Variants in CHCHD6 observed in about 807,000 individuals in gnomAD.
CHCHD6 encodes the protein coiled-coil-helix-coiled-coil-helix domain containing 6.
A neutral mutation model predicts 32.3 loss-of-function variants in CHCHD6; 28 were observed. The observed-to-expected ratio is 0.87, with a 90% confidence interval of 0.64 to 1.19. The LOEUF (loss-of-function observed/expected upper bound fraction) is 1.19. Ranked by LOEUF, CHCHD6 falls within the 50% of genes most tolerant of loss-of-function variation. The pLI, the probability that CHCHD6 is intolerant of heterozygous loss-of-function variation, is 0.00. For synonymous variants in CHCHD6, 122 were observed against 117.5 expected, an observed-to-expected ratio of 1.04 and a Z score of -0.25; for missense variants, 333 against 307.0, an observed-to-expected ratio of 1.08 and a Z score of -0.63.
intron 1 of CHCHD6, among the ~76,000 whole-genome samples, chr3:126,713,713 AC>A (rs1934869300): frequency 6.6e-6 from 1 of 152,074 alleles, no homozygotes. Context: ...TGTCCCCAGC[AC>A]CTAAGCCAGA....
chr3:126,793,800 A>C (rs992415346), intron 4 of CHCHD6, among the ~76,000 whole-genome samples: 7 of 152,284 alleles, frequency 4.6e-5, no homozygotes, highest in African/African-American at 1.4e-4. Flanking sequence ...GGGAACAGAT[A>C]GATTCCTTTC....
intron 4 of CHCHD6, among the ~76,000 whole-genome samples, chr3:126,807,505 G>C (rs1258782999): frequency 6.6e-6 from 1 of 152,132 alleles, no homozygotes; most frequent in Non-Finnish European, 1.5e-5. Flanking sequence ...TAGAAAATAT[G>C]AGAGAAACAT....
intron 3 of CHCHD6, 21 bp downstream of exon 3, chr3:126,730,651 G>C (rs1935753492): frequency 6.2e-7 from 1 of 1,609,456 alleles, no homozygotes; most frequent in Non-Finnish European, 8.5e-7. Context: ...GAGCCTGCTT[G>C]CTCCCGGCAC....
chr3:126,832,022 G>A (rs1193306285), intron 4 of CHCHD6, among the ~76,000 whole-genome samples: 5 of 152,112 alleles, frequency 3.3e-5, no homozygotes, highest in Non-Finnish European at 5.9e-5. Flanking sequence ...AACAGGTGTT[G>A]ATTAAAGAAG....
intron 4 of CHCHD6, among the ~76,000 whole-genome samples, chr3:126,828,265 A>C (rs1427093276): frequency 6.6e-6 from 1 of 152,188 alleles, no homozygotes; most frequent in Non-Finnish European, 1.5e-5. Context: ...GGTGCACTTC[A>C]CATCTTCTCT....
At chr3:126,888,375 A>T (rs2077706582) in intron 5 of CHCHD6, among the ~76,000 whole-genome samples, 1 of 152,194 alleles carries the variant, frequency 6.6e-6, no homozygotes, top group Non-Finnish European at 1.5e-5. Context: ...CTCTTGAAAC[A>T]TATTCTGTTA....
intron 6 of CHCHD6, among the ~76,000 whole-genome samples, chr3:126,943,103 T>C (rs549273302): frequency 2.0e-5 from 3 of 152,222 alleles, no homozygotes; most frequent in Middle Eastern, 3.4e-3. Context: ...GTAACCAGTC[T>C]CTCAACCATG....
At chr3:126,761,253 C>T (rs1346789660) in intron 4 of CHCHD6, among the ~76,000 whole-genome samples, 1 of 152,146 alleles carries the variant, frequency 6.6e-6, no homozygotes, top group African/African-American at 2.4e-5. Flanking sequence ...TACATTCTTA[C>T]CAGTTTCTCC....
At chr3:126,731,035 G>A (rs1935775213) in intron 3 of CHCHD6, among the ~76,000 whole-genome samples, 2 of 145,812 alleles carry the variant, frequency 1.4e-5, no homozygotes, top group Non-Finnish European at 3.0e-5. Context: ...TTGAGTTCAG[G>A]AAGCTGAGGC....
chr3:126,918,007 T>A (rs2078195544), intron 6 of CHCHD6, among the ~76,000 whole-genome samples: 1 of 152,240 alleles, frequency 6.6e-6, no homozygotes, highest in South Asian at 2.1e-4. Context: ...AAGATACTGT[T>A]AATAACGGCA....
At chr3:126,922,840 GGAGA>G (rs764494174) in intron 6 of CHCHD6, among the ~76,000 whole-genome samples, 3 of 152,222 alleles carry the variant, frequency 2.0e-5, no homozygotes, top group Non-Finnish European at 4.4e-5. Flanking sequence ...AAAGATGCAT[GGAGA>G]GAGAGTTGAC....
chr3:126,850,640 T>TA (rs756681145), intron 4 of CHCHD6, among the ~76,000 whole-genome samples: 10 of 152,146 alleles, frequency 6.6e-5, no homozygotes, highest in Non-Finnish European at 1.5e-5. Flanking sequence ...TGAAGAGCCT[T>TA]ATGATGGTTT....
At chr3:126,842,734 A>G (rs73203677) in intron 4 of CHCHD6, among the ~76,000 whole-genome samples, 14,069 of 151,082 alleles carry the variant, frequency 0.093, 830 homozygotes, top group Middle Eastern at 0.21. Context: ...TCATTATTTT[A>G]TCTTAGCCCA....
intron 5 of CHCHD6, among the ~76,000 whole-genome samples, chr3:126,867,394 G>A (rs943849102): frequency 4.6e-5 from 7 of 152,198 alleles, no homozygotes; most frequent in African/African-American, 1.2e-4. Context: ...GTTATTGTGT[G>A]TTGGTTTTTT....
At chr3:126,779,535 CAAAAAAAAAA>C (rs11288509) in intron 4 of CHCHD6, among the ~76,000 whole-genome samples, 2 of 78,098 alleles carry the variant, frequency 2.6e-5, no homozygotes, top group South Asian at 4.8e-4. Flanking sequence ...GACTCCATCT[CAAAAAAAAAA>C]AAAAAAAAAA....
At chr3:126,705,085 C>T (rs1220040315) in intron 1 of CHCHD6, among the ~76,000 whole-genome samples, 1 of 152,184 alleles carries the variant, frequency 6.6e-6, no homozygotes, top group African/African-American at 2.4e-5. Flanking sequence ...AGCTCAGGGT[C>T]TGTGCGCCGG....
chr3:126,788,407 C>T (rs1192475274), intron 4 of CHCHD6, among the ~76,000 whole-genome samples: 1 of 152,146 alleles, frequency 6.6e-6, no homozygotes, highest in African/African-American at 2.4e-5. Flanking sequence ...ATGGTACCAG[C>T]TCCTCCTTGT....
chr3:126,834,470 C>T (rs1476942891), intron 4 of CHCHD6, among the ~76,000 whole-genome samples: 1 of 151,792 alleles, frequency 6.6e-6, no homozygotes, highest in Non-Finnish European at 1.5e-5. Flanking sequence ...TGTTGGGGGT[C>T]GCCTGTGGGT....
chr3:126,886,354 G>A (rs2077679700), intron 5 of CHCHD6, among the ~76,000 whole-genome samples: 1 of 152,184 alleles, frequency 6.6e-6, no homozygotes, highest in Non-Finnish European at 1.5e-5. Context: ...GCTGTTCTTA[G>A]GAGTGTGATG....
Sources: allele counts gnomAD v4.1 joint callset (sites outside exome capture counted in the v4.1 genomes callset), GRCh38; gene constraint gnomAD v4.1.1; transcripts MANE v1.5; gene names NCBI Gene and HGNC (gene_info 2026-07-23, HGNC 2026-07-21).